Variants in LCN12 observed in about 807,000 individuals in gnomAD.
LCN12 encodes the protein epididymal-specific lipocalin-12.
LCN12 carries 15 observed loss-of-function variants against 23.7 expected under a neutral mutation model. The ratio of observed to expected loss-of-function variants is 0.63; its 90% confidence interval spans 0.42 to 0.97. The LOEUF (loss-of-function observed/expected upper bound fraction) is 0.97. Ranked by LOEUF, LCN12 falls within the 50% of genes least tolerant of loss-of-function variation. The pLI is 0.00. For synonymous variants in LCN12, 116 were observed against 111.5 expected (o/e 1.04, Z -0.25); for missense variants, 219 against 249.6 (o/e 0.88, Z 0.83).
intron 5 of LCN12, 181 bp from the exon 6 acceptor site, chr9:136,955,190 T>C (rs1195459009): frequency 1.4e-6 from 2 of 1,420,782 alleles, no homozygotes; most frequent in South Asian, 1.5e-5. Context: ...CCACATCTTC[T>C]GCCCCTTCTC....
In LCN12 at chr9:136,954,636, G is replaced by A. The variant is rs542220055; in HGVS notation, c.550+381G>A. ...CCTCCCACCCCAGGTCCCCTGTCCC[G>A]GGCCATCTCCTCCCTCTGGGTCCCC... On this transcript the variant is annotated intron_variant, in intron 5 of 5. Coordinates refer to ENST00000371633, the MANE Select transcript of LCN12 (RefSeq NM_178536.4). 2.2e-5 allele frequency: 23 copies of A among 1,026,262 alleles called. No individual in the cohort carries two copies. The East Asian group carries it at 7.5e-4, about 33-fold the overall frequency. 63.6% of individuals were successfully genotyped at this position (1,026,262 alleles called of 1,614,324 possible).
chr9:136,951,126 G>A (rs1260713129), upstream of LCN12: 1 of 153,746 alleles, frequency 6.5e-6, no homozygotes, highest in Non-Finnish European at 1.5e-5. Context: ...AGAGGCTTCA[G>A]CTACCTGTGA....
chr9:136,949,881 G>C (rs1331388568), upstream of LCN12, among the ~76,000 whole-genome samples: 1 of 152,166 alleles, frequency 6.6e-6, no homozygotes, highest in Admixed American at 6.5e-5. Flanking sequence ...CCTTGCAGAA[G>C]GCGCGGCTGC....
chr9:136,952,282 TG>T lies in LCN12; in HGVS notation c.-44del. 1 of 1,416,152 alleles carries T rather than the reference TG, an allele frequency of 7.1e-7. No individual in the cohort carries two copies. Among genetic ancestry groups the T allele is most frequent in the Non-Finnish European group, 9.9e-7 (1 of 1,014,970 alleles). 87.7% of individuals were successfully genotyped at this position (1,416,152 alleles called of 1,614,324 possible). A position where few individuals can be genotyped will look rare whatever the true frequency, so the allele number is the denominator to read the frequency against. On this transcript the variant is annotated 5_prime_UTR_variant, in exon 1 of 6. Coordinates refer to ENST00000371633, the MANE Select transcript of LCN12 (RefSeq NM_178536.4). ...GGTGGGTCTCTGGGTCACCTGCCCA[TG>T]GCCACTTCCTTCTCTCTGTCCCTGT...
chr9:136,950,429 T>C (rs533984873), upstream of LCN12, among the ~76,000 whole-genome samples: 1 of 152,168 alleles, frequency 6.6e-6, no homozygotes, highest in South Asian at 2.1e-4. Context: ...CGACCTCTGC[T>C]GCTCAGTCTC....
chr9:136,952,996 T>C lies in LCN12; in HGVS notation c.219T>C (p.Asp73=), dbSNP rs1161310290. 1 of 1,613,920 alleles carries C rather than the reference T, an allele frequency of 6.2e-7. No homozygotes were observed. The highest frequency in any genetic ancestry group is 8.5e-7 in the Non-Finnish European group (1 of 1,179,980). ...AFTATFELSD[D]GRFEVWNAMT... is the part of the protein sequence containing the mutation. ...CCGCAACTTTTGAGCTAAGTGATGA[T>C]GGCCGCTTTGAGGTGTGGAATGCGA... The change falls in exon 2 of 6, where the codon GAT becomes GAC. Residue 73 remains aspartate, a synonymous_variant. Coordinates refer to ENST00000371633, the MANE Select transcript of LCN12 (RefSeq NM_178536.4).
Position 136,952,369 on chromosome 9 carries a change from G to C in LCN12, c.42G>C (p.Leu14=). The part of the protein sequence containing the change: ...LCGLWLWLSL[L]KVLQAQTPTP... ...GCCTGTGGCTGTGGCTCTCCTTGCTGAAAGTCCTGCAGGCCCAGACCCCAA... is the reference window on the plus strand; with the variant it reads ...GCCTGTGGCTGTGGCTCTCCTTGCTCAAAGTCCTGCAGGCCCAGACCCCAA... Residue 14 remains leucine (L), a synonymous_variant, in exon 1 of 6, where the codon CTG becomes CTC. Transcript: ENST00000371633. 6.2e-7 allele frequency: 1 copy of C among 1,612,104 alleles called. No homozygotes were observed. The highest frequency in any genetic ancestry group is 8.5e-7 in the Non-Finnish European group (1 of 1,179,470).
chr9:136,952,942 G>A lies in LCN12; in HGVS notation c.165G>A (p.Pro55=), dbSNP rs62580418. The A allele has an allele frequency of 5.6e-6, 9 of 1,605,156 alleles. No individual in the cohort carries two copies. Among genetic ancestry groups the A allele is most frequent in the East Asian group, 4.5e-5 (2 of 44,282 alleles). ...GCCTGGCGGGCAACAGCTTCAGGCC[G>A]GAGCACAGGGCGCTGCTGAACGCTT... The part of the protein sequence containing the change: ...VLGLAGNSFR[P]EHRALLNAFT... Residue 55 remains proline (P), a synonymous_variant, in exon 2 of 6, where the codon CCG becomes CCA. Transcript: ENST00000371633.
upstream of LCN12, among the ~76,000 whole-genome samples, chr9:136,950,995 G>A (rs1185305053): frequency 7.5e-6 from 1 of 133,678 alleles, no homozygotes; most frequent in Non-Finnish European, 1.6e-5. Context: ...AATCTGGGGT[G>A]GGAGGGGGCA....
upstream of LCN12, chr9:136,951,344 C>A (rs1298431244): frequency 6.6e-6 from 1 of 152,282 alleles, no homozygotes; most frequent in African/African-American, 2.4e-5. Context: ...GGCTCAAACT[C>A]CTGGGCTAAA....
chr9:136,951,902 C>T (rs533812120), upstream of LCN12, among the ~76,000 whole-genome samples: 4 of 152,380 alleles, frequency 2.6e-5, no homozygotes, highest in East Asian at 7.7e-4. Flanking sequence ...CACAGCTGGG[C>T]CCTGTCCCTT....
Sources: allele counts gnomAD v4.1 joint callset (sites outside exome capture counted in the v4.1 genomes callset), GRCh38; gene constraint gnomAD v4.1.1; transcripts MANE v1.5; gene names NCBI Gene and HGNC (gene_info 2026-07-23, HGNC 2026-07-21).